PHKB: variants seen among roughly 807,000 people sequenced by gnomAD.
PHKB encodes phosphorylase kinase regulatory subunit beta.
In PHKB, 122 loss-of-function variants were observed where a neutral mutation model predicts 152.1. The observed-to-expected ratio is 0.80, with a 90% CI of 0.69 to 0.93. The LOEUF (loss-of-function observed/expected upper bound fraction) is 0.93. Ranked by LOEUF, PHKB falls within the 40% of genes least tolerant of loss-of-function variation. The pLI is 0.00. For synonymous variants in PHKB, 436 were observed against 464.9 expected (o/e 0.94, Z 0.80); for missense variants, 1,304 against 1,328.4 (o/e 0.98, Z 0.29).
At chr16:47,497,074 A>G (rs1970244436) in intron 1 of PHKB, among the ~76,000 whole-genome samples, 1 of 152,190 alleles carries the variant, frequency 6.6e-6, no homozygotes, top group Non-Finnish European at 1.5e-5. Context: ...CTTAATAACT[A>G]GAATCTATTG....
intron 7 of PHKB, among the ~76,000 whole-genome samples, chr16:47,556,616 A>T (rs1971374930): frequency 6.6e-6 from 1 of 152,226 alleles, no homozygotes; most frequent in South Asian, 2.1e-4. Context: ...CCAGGGATGA[A>T]GCCCACTTGA....
At chr16:47,650,411 C>CT (rs1973214690) in intron 18 of PHKB, 133 bp from the exon 19 acceptor site, 10 of 695,632 alleles carry the variant, frequency 1.4e-5, no homozygotes, top group East Asian at 1.1e-4. Context: ...CCTAAGTAGT[C>CT]TAAGTTATTC....
At chr16:47,535,949 T>C (rs1276011339) in intron 6 of PHKB, among the ~76,000 whole-genome samples, 1 of 152,170 alleles carries the variant, frequency 6.6e-6, no homozygotes. Context: ...AATTAGAAAT[T>C]GGTATGAAGA....
chr16:47,582,982 A>T (rs1257414609), intron 8 of PHKB, among the ~76,000 whole-genome samples: 6 of 152,126 alleles, frequency 3.9e-5, no homozygotes, highest in African/African-American at 1.4e-4. Flanking sequence ...TTTTTAATAG[A>T]GGTGGGGTTT....
chr16:47,593,448 A>G, intron 10 of PHKB, 52 bp from the exon 11 acceptor site: 1 of 950,882 alleles, frequency 1.1e-6, no homozygotes, highest in South Asian at 1.4e-5. Context: ...TCAAAATAAT[A>G]ATAATAATTT....
At chr16:47,541,309 C>T (rs1050854566) in intron 6 of PHKB, among the ~76,000 whole-genome samples, 1 of 152,150 alleles carries the variant, frequency 6.6e-6, no homozygotes, top group Non-Finnish European at 1.5e-5. Flanking sequence ...ATCCATGTCC[C>T]CGCAAAGGAC....
intron 22 of PHKB, 25 bp downstream of exon 22, chr16:47,660,844 G>A (rs142322189): frequency 1.2e-6 from 2 of 1,612,094 alleles, no homozygotes; most frequent in Non-Finnish European, 1.7e-6. Flanking sequence ...CTTCCCACAT[G>A]GCCCTAAGTG....
intron 20 of PHKB, among the ~76,000 whole-genome samples, chr16:47,655,828 G>T (rs1296028510): frequency 1.3e-5 from 2 of 152,172 alleles, no homozygotes; most frequent in African/African-American, 2.4e-5. Flanking sequence ...GAAGGGAATA[G>T]AATTCATGGT....
chr16:47,532,840 C>G (rs1047031776), intron 6 of PHKB, among the ~76,000 whole-genome samples: 1 of 152,248 alleles, frequency 6.6e-6, no homozygotes, highest in Admixed American at 6.5e-5. Context: ...CTCTTTTAGC[C>G]CCACCATTTT....
chr16:47,473,650 G>A (rs994240741), intron 1 of PHKB, among the ~76,000 whole-genome samples: 4 of 152,006 alleles, frequency 2.6e-5, no homozygotes, highest in African/African-American at 9.7e-5. Context: ...ATTTTCTTGA[G>A]GATGTTGGTT....
At chr16:47,673,783 A>G (rs1973677855) in intron 26 of PHKB, among the ~76,000 whole-genome samples, 1 of 152,224 alleles carries the variant, frequency 6.6e-6, no homozygotes, top group Non-Finnish European at 1.5e-5. Context: ...TGAATAATAG[A>G]AGAAGAATAA....
At chr16:47,570,315 G>T (rs1597093372) in intron 7 of PHKB, among the ~76,000 whole-genome samples, 2 of 152,168 alleles carry the variant, frequency 1.3e-5, no homozygotes, top group South Asian at 4.1e-4. Context: ...CTGGTATTTG[G>T]ATGTCTAAAT....
chr16:47,632,016 A>T (rs774534031), intron 14 of PHKB, among the ~76,000 whole-genome samples: 8 of 152,166 alleles, frequency 5.3e-5, no homozygotes, highest in Non-Finnish European at 1.2e-4. Flanking sequence ...GATAACTCTT[A>T]TCAACAAGCT....
intron 6 of PHKB, among the ~76,000 whole-genome samples, chr16:47,539,991 A>G (rs962779014): frequency 1.3e-5 from 2 of 152,326 alleles, no homozygotes; most frequent in East Asian, 3.9e-4. Context: ...GACTGTCTGC[A>G]GGGTCGGGCA....
Position 47,699,523 on chromosome 16 carries a change from T to C in PHKB, c.*157T>C. On this transcript the variant is annotated 3_prime_UTR_variant, in exon 31 of 31. Coordinates refer to ENST00000323584, the MANE Select transcript of PHKB (RefSeq NM_000293.3). ...GGGGTTATGGACCTCTTGCATGTCA[T>C]AGCCAATCTAACGGTAATGGTAAAT... 1.2e-6 allele frequency: 1 copy of C among 807,744 alleles called. No homozygotes were observed. Among genetic ancestry groups the C allele is most frequent in the South Asian group, 1.4e-5 (1 of 72,638 alleles). The allele number at this position is 807,744 out of a possible 1,614,324, so 50.0% of individuals were successfully genotyped here.
intron 7 of PHKB, among the ~76,000 whole-genome samples, chr16:47,576,320 T>C (rs754770545): frequency 3.3e-5 from 5 of 152,262 alleles, no homozygotes; most frequent in Non-Finnish European, 7.3e-5. Context: ...CATGTTATTT[T>C]GTTTTGCTTT....
intron 27 of PHKB, among the ~76,000 whole-genome samples, chr16:47,692,898 T>C (rs1043732612): frequency 6.6e-6 from 1 of 152,184 alleles, no homozygotes; most frequent in African/African-American, 2.4e-5. Flanking sequence ...CTATATAAAA[T>C]GCTTTTTTGA....
intron 6 of PHKB, among the ~76,000 whole-genome samples, chr16:47,519,253 A>G (rs998001176): frequency 2.0e-5 from 3 of 152,160 alleles, no homozygotes; most frequent in African/African-American, 7.2e-5. Flanking sequence ...TTCAGATTGG[A>G]TGACACATGG....
At chr16:47,565,885 G>A in intron 7 of PHKB, 1 of 1,170,248 alleles carries the variant, frequency 8.5e-7, no homozygotes, top group Non-Finnish European at 1.2e-6. Context: ...TCTTCCTTAG[G>A]AGTACTCTGA....
Sources: allele counts gnomAD v4.1 joint callset (sites outside exome capture counted in the v4.1 genomes callset), GRCh38; gene constraint gnomAD v4.1.1; transcripts MANE v1.5; gene names NCBI Gene and HGNC (gene_info 2026-07-23, HGNC 2026-07-21).